Variants in NRF1 observed in about 807,000 individuals in gnomAD.
NRF1 encodes the protein nuclear respiratory factor 1.
Under a neutral mutation model 58.5 loss-of-function variants are expected in NRF1, and 5 were observed. The observed-to-expected ratio is 0.09, with a 90% CI of 0.04 to 0.18. The LOEUF (loss-of-function observed/expected upper bound fraction) is 0.18, where lower values mean the gene tolerates loss of function less well. Among genes scored for constraint, NRF1 ranks in the 10% least tolerant of loss-of-function variants. The pLI, the probability that NRF1 is intolerant of heterozygous loss-of-function variation, is 1.00. For missense variants in NRF1, 288 were observed against 657.7 expected (o/e 0.44, Z 6.15); for synonymous variants, 224 against 246.7 (o/e 0.91, Z 0.86).
rs2151083303 is a variant in NRF1 at position 129,671,487 on chromosome 7, T to G, written c.282T>G (p.Pro94=). The change falls in exon 3 of 11, where the codon CCT becomes CCG. Residue 94 remains proline (P), a synonymous_variant. Coordinates refer to ENST00000393232, the MANE Select transcript of NRF1 (RefSeq NM_005011.5). ...AVATGKKRKR[P]HVFESNPSIR... Reference sequence around the variant, plus strand: ...CAACAGGAAAGAAACGGAAACGGCCTCATGTATTTGAGTCTAATCCATCTA... The same window carrying G: ...CAACAGGAAAGAAACGGAAACGGCCGCATGTATTTGAGTCTAATCCATCTA... 6.2e-7 allele frequency: 1 copy of G among 1,614,106 alleles called. No individual in the cohort carries two copies. Among genetic ancestry groups the G allele is most frequent in the Middle Eastern group, 1.6e-4 (1 of 6,062 alleles).
rs1181325179 is a variant in NRF1 at position 129,611,725 on chromosome 7, C to CGGCGGCGGCAGAAGA, written c.-103_-102insGGCGGCAGAAGAGGC. On this transcript the variant is annotated 5_prime_UTR_variant, in exon 1 of 11. Coordinates refer to ENST00000393232, the MANE Select transcript of NRF1 (RefSeq NM_005011.5). ...TCGGCGGCGGCGGCGGCGGCAGAAG[C>CGGCGGCGGCAGAAGA]GGCAGCGCTCGCCATTGCCGCTGGT... is the stretch of plus-strand genomic sequence containing the variant. 1 of 350,176 alleles carries CGGCGGCGGCAGAAGA rather than the reference C, an allele frequency of 2.9e-6. No homozygotes were observed. Among genetic ancestry groups the CGGCGGCGGCAGAAGA allele is most frequent in the African/African-American group, 2.1e-5 (1 of 47,200 alleles). The allele number at this position is 350,176 out of a possible 1,614,324, so 21.7% of individuals were successfully genotyped here. A position where few individuals can be genotyped will look rare whatever the true frequency, so the allele number is the denominator to read the frequency against.
At chr7:129,619,396 GTATATATA>G (rs749333673) in intron 1 of NRF1, among the ~76,000 whole-genome samples, 1,203 of 47,326 alleles carry the variant, frequency 0.025, 26 homozygotes, top group South Asian at 0.032. Flanking sequence ...TGGCATACGT[GTATATATA>G]TATATATATA....
At position 129,724,927 on chromosome 7, in the gene NRF1, A is replaced by G. The variant is rs552221129; in HGVS notation, c.1224-2314A>G. On this transcript the variant is annotated intron_variant, in intron 9 of 10. Coordinates refer to ENST00000393232, the MANE Select transcript of NRF1 (RefSeq NM_005011.5). ...TGGATTTGCCTGTGATTTCTTAGAT[A>G]TGACAACAAAGGCACACACACCTAT... Among the ~76,000 whole-genome samples the G allele has an allele frequency of 2.5e-4, 38 of 152,348 alleles. 1 individual carries two copies. The South Asian group carries it at 6.8e-3, about 27-fold the overall frequency.
chr7:129,679,018 CAGAATAT>C (rs1168841959), intron 4 of NRF1, among the ~76,000 whole-genome samples: 1 of 151,954 alleles, frequency 6.6e-6, no homozygotes, highest in Non-Finnish European at 1.5e-5. Context: ...AAATTAGAAG[CAGAATAT>C]ATCTTCCAGA....
intron 1 of NRF1, among the ~76,000 whole-genome samples, chr7:129,612,132 G>T (rs1800545489): frequency 6.6e-6 from 1 of 150,588 alleles, no homozygotes; most frequent in Non-Finnish European, 1.5e-5. Flanking sequence ...TCTCGGGGCC[G>T]CGGCCTTCTC....
At chr7:129,691,364 A>ATTTTTTTTTTTTTT in intron 5 of NRF1, among the ~76,000 whole-genome samples, 1 of 134,172 alleles carries the variant, frequency 7.5e-6, no homozygotes, top group Non-Finnish European at 1.6e-5. Context: ...TATTATTATT[A>ATTTTTTTTTTTTTT]TTTTTTTTTT....
chr7:129,615,765 G>T (rs541726164), intron 1 of NRF1, among the ~76,000 whole-genome samples: 2 of 152,130 alleles, frequency 1.3e-5, no homozygotes, highest in East Asian at 3.9e-4. Flanking sequence ...TTAACTAGAG[G>T]GTGGATTACC....
chr7:129,677,346 G>A (rs540036684), intron 3 of NRF1, among the ~76,000 whole-genome samples: 1 of 152,244 alleles, frequency 6.6e-6, no homozygotes, highest in South Asian at 2.1e-4. Flanking sequence ...GTAAGTAGCA[G>A]TAAGTGATGT....
intron 4 of NRF1, among the ~76,000 whole-genome samples, chr7:129,690,167 A>T (rs1802531213): frequency 6.6e-6 from 1 of 151,872 alleles, no homozygotes; most frequent in Admixed American, 6.6e-5. Context: ...TTTCTGGAAA[A>T]TTTTTTCACT....
chr7:129,733,857 C>A (rs370970048), intron 10 of NRF1, among the ~76,000 whole-genome samples: 1 of 152,022 alleles, frequency 6.6e-6, no homozygotes, highest in African/African-American at 2.4e-5. Flanking sequence ...AACCCTGTTT[C>A]TACAAAAAAT....
chr7:129,722,397 A>G (rs1327031726), intron 9 of NRF1, among the ~76,000 whole-genome samples: 1 of 152,114 alleles, frequency 6.6e-6, no homozygotes, highest in Non-Finnish European at 1.5e-5. Flanking sequence ...GTCTCAGAAA[A>G]AAAAAAAAAA....
chr7:129,637,920 T>C (rs1444926510), intron 1 of NRF1, among the ~76,000 whole-genome samples: 1 of 152,106 alleles, frequency 6.6e-6, no homozygotes, highest in African/African-American at 2.4e-5. Flanking sequence ...TTAGTGTATT[T>C]TATGTGTGGC....
intron 1 of NRF1, among the ~76,000 whole-genome samples, chr7:129,638,336 T>G (rs1199671978): frequency 6.6e-6 from 1 of 152,198 alleles, no homozygotes; most frequent in Admixed American, 6.5e-5. Flanking sequence ...TACTTGACAC[T>G]TTATTCCAGC....
chr7:129,648,380 C>T (rs995781184), intron 1 of NRF1, among the ~76,000 whole-genome samples: 4 of 150,756 alleles, frequency 2.7e-5, no homozygotes, highest in Non-Finnish European at 5.9e-5. Context: ...CCCGGGTTCA[C>T]GCCATTCTCC....
chr7:129,689,457 T>C (rs1236049546), intron 4 of NRF1, among the ~76,000 whole-genome samples: 1 of 152,220 alleles, frequency 6.6e-6, no homozygotes, highest in Non-Finnish European at 1.5e-5. Flanking sequence ...CACATTTCCA[T>C]AATTCCATGG....
intron 10 of NRF1, among the ~76,000 whole-genome samples, chr7:129,748,297 G>C (rs202181931): frequency 1.4e-5 from 1 of 69,020 alleles, no homozygotes; most frequent in Non-Finnish European, 3.3e-5. Context: ...AAAAAAAAAA[G>C]ACAGTCTTGC....
chr7:129,726,957 GA>G (rs1251369193), intron 9 of NRF1, among the ~76,000 whole-genome samples: 1 of 152,238 alleles, frequency 6.6e-6, no homozygotes, highest in Non-Finnish European at 1.5e-5. Flanking sequence ...GGAAGAAACT[GA>G]TAATGAGTGC....
At chr7:129,715,298 G>A (rs144284489) in intron 8 of NRF1, among the ~76,000 whole-genome samples, 30 of 152,260 alleles carry the variant, frequency 2.0e-4, no homozygotes, top group Admixed American at 5.2e-4. Context: ...ATCCTGCAAT[G>A]CACAGGACAG....
intron 2 of NRF1, among the ~76,000 whole-genome samples, 189 bp downstream of exon 2, chr7:129,657,763 C>A (rs1189230739): frequency 6.6e-6 from 1 of 152,062 alleles, no homozygotes; most frequent in Non-Finnish European, 1.5e-5. Flanking sequence ...ATGTGTACCA[C>A]CACATCTGGC....
Sources: allele counts gnomAD v4.1 joint callset (sites outside exome capture counted in the v4.1 genomes callset), GRCh38; gene constraint gnomAD v4.1.1; transcripts MANE v1.5; gene names NCBI Gene and HGNC (gene_info 2026-07-23, HGNC 2026-07-21).